WDR20: variants seen among roughly 807,000 people sequenced by gnomAD.
WDR20 encodes the protein WD repeat-containing protein 20.
Under a neutral mutation model 38.7 loss-of-function variants are expected in WDR20, and 3 were observed. That is an observed-to-expected ratio of 0.08 (90% CI 0.04 to 0.20). The LOEUF is 0.20. WDR20 is among the 10% of genes least tolerant of loss of function. The pLI is 1.00. For missense variants in WDR20, 559 were observed against 727.7 expected, an observed-to-expected ratio of 0.77 and a Z score of 2.67; for synonymous variants, 298 against 285.6, an observed-to-expected ratio of 1.04 and a Z score of -0.44.
chr14:102,224,477 T>C (rs1423794435), downstream of WDR20: 3 of 413,118 alleles, frequency 7.3e-6, no homozygotes, highest in Non-Finnish European at 1.4e-5. Flanking sequence ...ATTTATTTTT[T>C]TAAAAAATCA....
intron 1 of WDR20, among the ~76,000 whole-genome samples, chr14:102,151,161 A>G (rs1464573744): frequency 2.0e-5 from 3 of 147,834 alleles, no homozygotes; most frequent in Admixed American, 2.0e-4. Context: ...CTTCAAAACC[A>G]TCCATTGGGG....
chr14:102,155,275 T>C (rs2057100238), intron 1 of WDR20, among the ~76,000 whole-genome samples: 1 of 152,214 alleles, frequency 6.6e-6, no homozygotes, highest in Admixed American at 6.5e-5. Context: ...TACTGTCAAA[T>C]GTAAGATATT....
At chr14:102,176,653 T>C (rs1359108839) in intron 1 of WDR20, among the ~76,000 whole-genome samples, 1 of 152,114 alleles carries the variant, frequency 6.6e-6, no homozygotes, top group East Asian at 1.9e-4. Context: ...TTTTGGGTAT[T>C]AGGGTGATAC....
rs756985462 is a variant in WDR20 at position 102,209,226 on chromosome 14, C to T, written c.1056C>T (p.Leu352=). ...GAGCAAATAGTACACAGTCCAGGCT[C>T]TCCAAACGGAACTCTACAGACAGCC... The part of the protein sequence containing the change: ...RDRANSTQSR[L]SKRNSTDSRP... Residue 352 remains leucine, a synonymous_variant, in exon 3 of 3, where the codon CTC becomes CTT. Transcript: ENST00000342702. This position sits in a 1 kb window ranked among gnomAD's most constrained non-coding sequence, Gnocchi z 6.0. The T allele has an allele frequency of 2.5e-6, 4 of 1,614,210 alleles. No individual in the cohort carries two copies. Among genetic ancestry groups the T allele is most frequent in the Non-Finnish European group, 3.4e-6 (4 of 1,180,048 alleles).
downstream of WDR20, chr14:102,213,228 T>C (rs1386271004): frequency 3.0e-6 from 3 of 985,346 alleles, no homozygotes; most frequent in South Asian, 4.7e-5. Context: ...TTTTTTCTTA[T>C]TCAGAAGGAG....
chr14:102,209,200 C>A lies in WDR20; in HGVS notation c.1030C>A (p.Arg344=). ...FQDLLHFGRD[R]ANSTQSRLSK... is the part of the protein sequence containing the mutation. ...AGACCTTCTTCATTTTGGCAGAGAT[C>A]GAGCAAATAGTACACAGTCCAGGCT... The change falls in exon 3 of 3, where the codon CGA becomes AGA. Residue 344 remains arginine, a synonymous_variant. Coordinates refer to ENST00000342702, the MANE Select transcript of WDR20 (RefSeq NM_144574.4). This position sits in a 1 kb window ranked among gnomAD's most constrained non-coding sequence, Gnocchi z 6.0. 1.2e-6 allele frequency: 2 copies of A among 1,614,090 alleles called. No homozygotes were observed. Among genetic ancestry groups the A allele is most frequent in the Non-Finnish European group, 1.7e-6 (2 of 1,180,008 alleles).
chr14:102,185,009 T>G (rs947541590), intron 1 of WDR20, among the ~76,000 whole-genome samples: 2 of 152,120 alleles, frequency 1.3e-5, no homozygotes, highest in African/African-American at 4.8e-5. Context: ...GAAGGAGGAA[T>G]GGAAACTAAG....
At chr14:102,211,770 G>T (rs1318838147), downstream of WDR20, among the ~76,000 whole-genome samples, 3 of 152,200 alleles carry the variant, frequency 2.0e-5, no homozygotes, top group Admixed American at 1.3e-4. The surrounding 1 kb of genome is among the most constrained non-coding windows in gnomAD (Gnocchi z 4.2). Context: ...CTACATAGTT[G>T]TAAACGTTCA....
intron 2 of WDR20, chr14:102,195,885 T>A (rs2059331330): frequency 6.6e-6 from 1 of 152,240 alleles, no homozygotes; most frequent in Admixed American, 6.5e-5. Flanking sequence ...ATGACTTTTC[T>A]ACCAAGTGGA....
chr14:102,156,478 T>C (rs2057419071), intron 1 of WDR20, among the ~76,000 whole-genome samples: 2 of 152,252 alleles, frequency 1.3e-5, no homozygotes, highest in South Asian at 4.1e-4. Context: ...CCATTAGATC[T>C]TGTTATTCAA....
intron 2 of WDR20, among the ~76,000 whole-genome samples, chr14:102,202,329 T>G (rs2060555754): frequency 3.3e-5 from 5 of 151,588 alleles, no homozygotes; most frequent in Admixed American, 3.3e-4. Flanking sequence ...TGCTTGGATA[T>G]TCCTTCTGCT....
chr14:102,223,009 G>A (rs1056087533), exon 4 of WDR20: 20 of 1,125,422 alleles, frequency 1.8e-5, no homozygotes, highest in Non-Finnish European at 2.5e-5. Flanking sequence ...GGCGATAGCC[G>A]TGTGGACGGT....
At position 102,221,684 on chromosome 14, in the gene WDR20, A is replaced by G. The variant is rs1597176855; in HGVS notation, c.1693-1146A>G. On this transcript the variant is annotated intron_variant, in intron 3 of 3. Transcript: ENST00000335263. This position sits in a 1 kb window ranked among gnomAD's most constrained non-coding sequence, Gnocchi z 4.8. ...GTAAGAAACGGGATGAAATGACTTG[A>G]GCGGGACAGCTTGCTTCCAGGCTTC... Among the ~76,000 whole-genome samples the G allele has an allele frequency of 6.6e-6, 1 of 152,244 alleles. No individual in the cohort carries two copies. The highest frequency in any genetic ancestry group is 2.1e-4 in the South Asian group (1 of 4,828).
exon 4 of WDR20, chr14:102,223,495 C>A (rs927632918): frequency 6.6e-6 from 1 of 152,518 alleles, no homozygotes; most frequent in Admixed American, 6.6e-5. Context: ...CCTTTTTACC[C>A]GTTGACGTTT....
intron 2 of WDR20, among the ~76,000 whole-genome samples, 191 bp downstream of exon 2, chr14:102,195,311 C>G (rs1201266896): frequency 6.6e-6 from 1 of 152,028 alleles, no homozygotes; most frequent in Non-Finnish European, 1.5e-5. Context: ...CTTGGGGTGA[C>G]TGTTTTGTGC....
chr14:102,209,649 C>A lies in WDR20; in HGVS notation c.1479C>A (p.Asp493Glu). The A allele has an allele frequency of 6.2e-7, 1 of 1,614,188 alleles. No homozygotes were observed. Among genetic ancestry groups the A allele is most frequent in the Non-Finnish European group, 8.5e-7 (1 of 1,180,042 alleles). Residue 493 changes from aspartate to glutamate, a missense_variant, in exon 3 of 3, where the codon GAC becomes GAA. Coordinates refer to ENST00000342702, the MANE Select transcript of WDR20 (RefSeq NM_144574.4). This position sits in a 1 kb window ranked among gnomAD's most constrained non-coding sequence, Gnocchi z 6.0. ...GACACATTTCTAGCAAGAGCAGTGACAAACTGAATCTAGTTACCAAAACCA... is the reference window on the plus strand; with the variant it reads ...GACACATTTCTAGCAAGAGCAGTGAAAAACTGAATCTAGTTACCAAAACCA... Reference protein sequence around the residue: ...SMGHISSKSSDKLNLVTKTKT... With the variant: ...SMGHISSKSSEKLNLVTKTKT...
intron 1 of WDR20, among the ~76,000 whole-genome samples, chr14:102,146,146 G>T (rs2053567495): frequency 6.6e-6 from 1 of 151,660 alleles, no homozygotes; most frequent in African/African-American, 2.4e-5. Flanking sequence ...TATGCTGGAA[G>T]AGTTTTTTTG....
At chr14:102,176,782 G>A (rs1317870991) in intron 1 of WDR20, among the ~76,000 whole-genome samples, 1 of 151,796 alleles carries the variant, frequency 6.6e-6, no homozygotes, top group Admixed American at 6.6e-5. Context: ...CTCCCAGGCT[G>A]GAGTGCAGTG....
At chr14:102,212,393 C>T (rs2062660499), downstream of WDR20, 1 of 1,044,288 alleles carries the variant, frequency 9.6e-7, no homozygotes, top group Non-Finnish European at 1.4e-6. Flanking sequence ...CTGTGCCAGC[C>T]TGGGGAGGGG....
Sources: gnomAD v4.1 joint callset for allele counts (sites outside exome capture counted in the v4.1 genomes callset) on GRCh38, gnomAD v4.1.1 for gene constraint, Gnocchi (gnomAD v3.1) non-coding constraint, MANE v1.5 for transcripts, NCBI Gene and HGNC (gene_info 2026-07-23, HGNC 2026-07-21) for gene names.